Variants in TES observed in about 807,000 individuals in gnomAD.
TES encodes the protein testin LIM domain protein.
A neutral mutation model predicts 48.2 loss-of-function variants in TES; 41 were observed. The ratio of observed to expected loss-of-function variants is 0.85; its 90% confidence interval spans 0.66 to 1.10. TES has a LOEUF of 1.10. Among genes scored for constraint, TES ranks in the 50% least tolerant of loss-of-function variants. TES has a pLI of 0.00. For synonymous variants in TES, 162 were observed against 174.9 expected (o/e 0.93, Z 0.58); for missense variants, 463 against 515.1 (o/e 0.90, Z 0.98).
chr7:116,234,486 A>G, intron 1 of TES, 48 bp from the exon 2 acceptor site: 2 of 1,519,730 alleles, frequency 1.3e-6, no homozygotes, highest in Non-Finnish European at 1.8e-6. Context: ...GAATTTTTAG[A>G]TTTGTAAAGA....
chr7:116,241,389 G>A (rs370089472), intron 2 of TES, among the ~76,000 whole-genome samples: 10 of 152,292 alleles, frequency 6.6e-5, no homozygotes, highest in African/African-American at 2.4e-4. Context: ...TTTATAGTAT[G>A]TTTTCTTGCA....
At chr7:116,242,235 C>T (rs1563011731) in intron 2 of TES, among the ~76,000 whole-genome samples, 1 of 152,134 alleles carries the variant, frequency 6.6e-6, no homozygotes, top group Non-Finnish European at 1.5e-5. Context: ...TTCTTCCCCC[C>T]TCAGGAAGGT....
chr7:116,252,615 TAAAATC>T (rs1243100493), intron 6 of TES, 139 bp downstream of exon 6: 1 of 1,237,394 alleles, frequency 8.1e-7, no homozygotes, highest in Non-Finnish European at 1.2e-6. Context: ...CACAGGGTGT[TAAAATC>T]AAGGCAATTC....
intron 2 of TES, among the ~76,000 whole-genome samples, chr7:116,236,344 C>T: frequency 6.6e-6 from 1 of 152,152 alleles, no homozygotes; most frequent in East Asian, 1.9e-4. Flanking sequence ...ACATACCTGA[C>T]CGTGTGACAG....
At chr7:116,241,620 A>G (rs1470029902) in intron 2 of TES, among the ~76,000 whole-genome samples, 1 of 152,238 alleles carries the variant, frequency 6.6e-6, no homozygotes, top group Non-Finnish European at 1.5e-5. Context: ...TTTTAAAATT[A>G]TAACAAATCA....
chr7:116,240,754 T>C (rs1234036175), intron 2 of TES, among the ~76,000 whole-genome samples: 1 of 152,140 alleles, frequency 6.6e-6, no homozygotes, highest in African/African-American at 2.4e-5. Flanking sequence ...AACTGCTCAA[T>C]AGGACAGTTT....
chr7:116,252,321 A>T lies in TES; in HGVS notation c.922A>T (p.Ile308Leu). 1 of 1,601,998 alleles carries T rather than the reference A, an allele frequency of 6.2e-7. No homozygotes were observed. Among genetic ancestry groups the T allele is most frequent in the East Asian group, 2.2e-5 (1 of 44,492 alleles). The stretch of plus-strand genomic sequence containing the variant: ...TTTATTTTTATCTTCTTCCTAGCTG[A>T]TATTCAGCAATGAGTATACCCAGGC... Reference protein sequence around the residue: ...KPRCAGCDELIFSNEYTQAEN... With the variant: ...KPRCAGCDELLFSNEYTQAEN... The change falls in exon 6 of 7, where the codon ATA becomes TTA. Residue 308 changes from isoleucine (I) to leucine (L), a missense_variant. Transcript: ENST00000358204.
chr7:116,249,616 G>T, intron 3 of TES: 1 of 203,458 alleles, frequency 4.9e-6, no homozygotes, highest in East Asian at 1.2e-4. Flanking sequence ...TTTTGTCATA[G>T]TTTAGAACTG....
chr7:116,251,657 T>C, intron 4 of TES, 103 bp from the exon 5 acceptor site: 1 of 1,081,662 alleles, frequency 9.2e-7, no homozygotes, highest in East Asian at 2.4e-5. Flanking sequence ...GACTCCAGCC[T>C]GGGCGACAGA....
intron 1 of TES, among the ~76,000 whole-genome samples, chr7:116,231,663 GGT>G (rs997903260): frequency 6.6e-6 from 1 of 152,200 alleles, no homozygotes. Flanking sequence ...GGAATGTCTG[GGT>G]TATGATAAGG....
chr7:116,224,324 C>T (rs1169389032), intron 1 of TES, among the ~76,000 whole-genome samples: 1 of 152,044 alleles, frequency 6.6e-6, no homozygotes, highest in African/African-American at 2.4e-5. Flanking sequence ...TAGTTTGCAG[C>T]GAATACAGAG....
At position 116,234,519 on chromosome 7, in the gene TES, T is replaced by TTTTC; in HGVS notation, c.28-11_28-8dup. The TTTTC allele has an allele frequency of 6.2e-7, 1 of 1,607,658 alleles. No homozygotes were observed. On this transcript the variant is annotated splice_polypyrimidine_tract_variant and intron_variant, in intron 1 of 6. Transcript: ENST00000358204. ...AGAATCTAATAACAGATTCATGATG[T>TTTTC]TTTCTTTTTAACAGATGGGCTTAGG... is the stretch of plus-strand genomic sequence containing the variant.
intron 2 of TES, among the ~76,000 whole-genome samples, chr7:116,243,653 C>T (rs902971372): frequency 1.3e-5 from 2 of 152,194 alleles, no homozygotes; most frequent in Non-Finnish European, 2.9e-5. Flanking sequence ...ACCTTCCCCA[C>T]TCCATACTGC....
chr7:116,237,620 C>G (rs1463123465), intron 2 of TES, among the ~76,000 whole-genome samples: 1 of 152,178 alleles, frequency 6.6e-6, no homozygotes, highest in Non-Finnish European at 1.5e-5. Context: ...CAAGAAATAC[C>G]TCTGAGAAGT....
At chr7:116,234,883 A>C (rs907292012) in intron 2 of TES, among the ~76,000 whole-genome samples, 2 of 152,176 alleles carry the variant, frequency 1.3e-5, no homozygotes, top group Non-Finnish European at 2.9e-5. Flanking sequence ...GAAATACTGA[A>C]TATATCATCT....
intron 1 of TES, among the ~76,000 whole-genome samples, chr7:116,226,610 C>T (rs1799624329): frequency 6.6e-6 from 1 of 152,136 alleles, no homozygotes; most frequent in Non-Finnish European, 1.5e-5. Flanking sequence ...TTATGATTAT[C>T]TTTAGGTTTA....
intron 2 of TES, among the ~76,000 whole-genome samples, chr7:116,248,152 CT>C (rs1163258896): frequency 3.3e-5 from 5 of 152,082 alleles, no homozygotes; most frequent in African/African-American, 4.8e-5. Context: ...TGATTTCATT[CT>C]TTTTTTATGG....
rs916752710 is a variant in TES at position 116,249,047 on chromosome 7, C to A, written c.141C>A (p.Gly47=). The stretch of plus-strand genomic sequence containing the variant: ...AAATATGTCGTAACTGCAAGTGTGG[C>A]CAAGAAGAGCATGATGTCCTCTTGA... The part of the protein sequence containing the change: ...WRKICRNCKC[G]QEEHDVLLSN... Residue 47 remains glycine (G), a synonymous_variant, in exon 3 of 7, where the codon GGC becomes GGA. Coordinates refer to ENST00000358204, the MANE Select transcript of TES (RefSeq NM_015641.4). 1.2e-6 allele frequency: 2 copies of A among 1,607,930 alleles called. No homozygotes were observed. The highest frequency in any genetic ancestry group is 1.7e-6 in the Non-Finnish European group (2 of 1,176,002).
At position 116,227,818 on chromosome 7, in the gene TES, A is replaced by G. The variant is rs188812578; in HGVS notation, c.28-6716A>G. On this transcript the variant is annotated intron_variant, in intron 1 of 6. Coordinates refer to ENST00000358204, the MANE Select transcript of TES (RefSeq NM_015641.4). ...GATCTACCTTCATTCCAATATTATT[A>G]AAGAAGTCTTAGTAATGCTTGTTTA... Among the ~76,000 whole-genome samples, 255 of 152,232 alleles carry G rather than the reference A, an allele frequency of 1.7e-3. 2 individuals carry two copies. The highest frequency in any genetic ancestry group is 8.8e-4 in the Non-Finnish European group (60 of 68,000).
Sources: allele counts gnomAD v4.1 joint callset (sites outside exome capture counted in the v4.1 genomes callset), GRCh38; gene constraint gnomAD v4.1.1; transcripts MANE v1.5; gene names NCBI Gene and HGNC (gene_info 2026-07-23, HGNC 2026-07-21).